VTA1: variants seen among roughly 807,000 people sequenced by gnomAD.
VTA1 encodes the protein vesicle trafficking 1.
A neutral mutation model predicts 36.9 loss-of-function variants in VTA1; 24 were observed. The ratio of observed to expected loss-of-function variants is 0.65; its 90% CI spans 0.47 to 0.91. The LOEUF (loss-of-function observed/expected upper bound fraction) is 0.91, where lower values mean the gene tolerates loss of function less well. Ranked by LOEUF, VTA1 falls within the 40% of genes least tolerant of loss-of-function variation. The probability of loss-of-function intolerance (pLI) is 0.00; values close to 1 mark genes in which losing one functional copy is unlikely to be tolerated. For synonymous variants in VTA1, 142 were observed against 130.2 expected (o/e 1.09, Z -0.62); for missense variants, 393 against 377.2 (o/e 1.04, Z -0.35).
At chr6:142,174,008 G>A (rs748484617) in intron 4 of VTA1, among the ~76,000 whole-genome samples, 7 of 152,126 alleles carry the variant, frequency 4.6e-5, no homozygotes, top group Admixed American at 2.6e-4. Flanking sequence ...ATAAAGTAGC[G>A]TCTTTGTTGG....
intron 1 of VTA1, among the ~76,000 whole-genome samples, chr6:142,157,496 G>C (rs997267076): frequency 6.6e-6 from 1 of 151,928 alleles, no homozygotes; most frequent in African/African-American, 2.4e-5. Context: ...GTTTTATTTT[G>C]TAAAAATTAT....
intron 5 of VTA1, among the ~76,000 whole-genome samples, chr6:142,193,758 A>G (rs928177797): frequency 1.3e-5 from 2 of 151,636 alleles, no homozygotes; most frequent in Non-Finnish European, 2.9e-5. Flanking sequence ...CTTTTTCTTC[A>G]TACCTGTCCA....
chr6:142,169,432 T>A (rs1185879272), intron 2 of VTA1, 118 bp from the exon 3 acceptor site: 3 of 1,155,606 alleles, frequency 2.6e-6, no homozygotes, highest in African/African-American at 1.6e-5. Context: ...ATTGATGACA[T>A]CTTTTATTGA....
rs759870727 is a variant in VTA1, at chr6:142,147,418, C to T, written c.112+19C>T. ...TATTACTGTGAGTCTTTCCGAGTGG[C>T]CGCGCCCTTTCTTTCCCAGTTGCAT... On this transcript the variant is annotated intron_variant, in intron 1 of 7. Transcript: ENST00000367630. 1.2e-6 allele frequency: 2 copies of T among 1,608,954 alleles called. No individual in the cohort carries two copies. Among genetic ancestry groups the T allele is most frequent in the Admixed American group, 1.7e-5 (1 of 59,424 alleles).
chr6:142,163,320 G>A (rs1185413253), intron 1 of VTA1, among the ~76,000 whole-genome samples: 1 of 152,018 alleles, frequency 6.6e-6, no homozygotes, highest in Admixed American at 6.6e-5. Flanking sequence ...AAGGGAGAGG[G>A]TCTGCAAGAT....
intron 1 of VTA1, among the ~76,000 whole-genome samples, chr6:142,160,343 T>C (rs768265313): frequency 2.6e-5 from 4 of 152,174 alleles, no homozygotes; most frequent in Non-Finnish European, 4.4e-5. Flanking sequence ...TGTGTGTGCA[T>C]TGGGAACATT....
intron 7 of VTA1, among the ~76,000 whole-genome samples, chr6:142,214,165 C>T (rs1775963405): frequency 6.6e-6 from 1 of 152,178 alleles, no homozygotes. Flanking sequence ...TTAGAAATTT[C>T]TTTTGTCAGA....
At chr6:142,178,998 G>A (rs1582887785) in intron 4 of VTA1, among the ~76,000 whole-genome samples, 1 of 151,896 alleles carries the variant, frequency 6.6e-6, no homozygotes, top group African/African-American at 2.4e-5. Flanking sequence ...AATAAAAGGG[G>A]CCATTTTATA....
At chr6:142,160,581 T>C (rs1301256246) in intron 1 of VTA1, among the ~76,000 whole-genome samples, 1 of 152,038 alleles carries the variant, frequency 6.6e-6, no homozygotes, top group African/African-American at 2.4e-5. Flanking sequence ...GTTTTCTGCT[T>C]GGGACTCCTC....
At chr6:142,168,172 G>A (rs974032250) in intron 2 of VTA1, among the ~76,000 whole-genome samples, 6 of 152,040 alleles carry the variant, frequency 3.9e-5, no homozygotes, top group Non-Finnish European at 5.9e-5. Flanking sequence ...ATGAGATGAA[G>A]TGGCCTACTC....
chr6:142,150,997 G>A (rs111986467), intron 1 of VTA1, among the ~76,000 whole-genome samples: 2 of 152,002 alleles, frequency 1.3e-5, no homozygotes, highest in East Asian at 3.9e-4. Context: ...TGTATAAGGG[G>A]GATGCAGGGA....
At chr6:142,218,244 C>A (rs1776038764) in intron 7 of VTA1, among the ~76,000 whole-genome samples, 1 of 151,960 alleles carries the variant, frequency 6.6e-6, no homozygotes, top group African/African-American at 2.4e-5. Flanking sequence ...CTTGTTTGTC[C>A]TTATTGCTTC....
chr6:142,173,644 A>G (rs1008937058), intron 4 of VTA1, among the ~76,000 whole-genome samples: 1 of 152,242 alleles, frequency 6.6e-6, no homozygotes, highest in Non-Finnish European at 1.5e-5. Context: ...TCATAGGAAA[A>G]AGAACAAAAT....
At chr6:142,218,029 G>T (rs1257318026) in intron 7 of VTA1, among the ~76,000 whole-genome samples, 1 of 152,032 alleles carries the variant, frequency 6.6e-6, no homozygotes, top group African/African-American at 2.4e-5. Flanking sequence ...TTACATGGAT[G>T]GCACAAACAT....
At chr6:142,162,931 G>A (rs964894827) in intron 1 of VTA1, among the ~76,000 whole-genome samples, 2 of 152,088 alleles carry the variant, frequency 1.3e-5, no homozygotes, top group Non-Finnish European at 2.9e-5. Flanking sequence ...TATTGATTTT[G>A]GCAGTAGTTT....
At chr6:142,185,367 AG>A (rs1382859038) in intron 4 of VTA1, among the ~76,000 whole-genome samples, 42 of 152,158 alleles carry the variant, frequency 2.8e-4, no homozygotes, top group Non-Finnish European at 5.9e-4. Context: ...AGAGCCTAAA[AG>A]TATGTTGAGG....
At chr6:142,213,779 G>A (rs1466012625) in intron 7 of VTA1, among the ~76,000 whole-genome samples, 3 of 152,172 alleles carry the variant, frequency 2.0e-5, no homozygotes, top group Non-Finnish European at 2.9e-5. Flanking sequence ...AGCAGCTGGG[G>A]TGCCATGTCC....
intron 7 of VTA1, among the ~76,000 whole-genome samples, chr6:142,207,924 A>T (rs1387739104): frequency 2.0e-5 from 3 of 151,898 alleles, no homozygotes; most frequent in African/African-American, 7.3e-5. Context: ...TCTCTACTGA[A>T]AATACAAAAA....
intron 7 of VTA1, among the ~76,000 whole-genome samples, chr6:142,215,177 G>A (rs943198561): frequency 5.9e-5 from 9 of 152,102 alleles, no homozygotes; most frequent in African/African-American, 2.2e-4. Flanking sequence ...GGTGGCACAC[G>A]CCTGTAATCC....
Sources: allele counts gnomAD v4.1 joint callset (sites outside exome capture counted in the v4.1 genomes callset), GRCh38; gene constraint gnomAD v4.1.1; transcripts MANE v1.5; gene names NCBI Gene and HGNC (gene_info 2026-07-23, HGNC 2026-07-21).